Variants in ADAM15 observed in about 807,000 individuals in gnomAD.
ADAM15 encodes disintegrin and metalloproteinase domain-containing protein 15.
In ADAM15, 77 loss-of-function variants were observed where a neutral mutation model predicts 113.8. The ratio of observed to expected loss-of-function variants is 0.68; its 90% CI spans 0.56 to 0.82. The LOEUF is 0.82. Among genes scored for constraint, ADAM15 ranks in the 40% least tolerant of loss-of-function variants. ADAM15 has a pLI of 0.00. For missense variants in ADAM15, 963 were observed against 1,120.1 expected, an observed-to-expected ratio of 0.86 and a Z score of 2.00; for synonymous variants, 388 against 454.1, an observed-to-expected ratio of 0.85 and a Z score of 1.85.
chr1:155,053,532 A>C (rs758369056), intron 3 of ADAM15, 39 bp downstream of exon 3: 1 of 1,600,760 alleles, frequency 6.2e-7, no homozygotes. Context: ...CCACATGGCC[A>C]ACAACTTGTA....
chr1:155,057,241 C>T lies in ADAM15; in HGVS notation c.1202C>T (p.Ala401Val). 1 of 1,614,154 alleles carries T rather than the reference C, an allele frequency of 6.2e-7. No individual in the cohort carries two copies. Among genetic ancestry groups the T allele is most frequent in the Non-Finnish European group, 8.5e-7 (1 of 1,180,006 alleles). ...TGCAGCCGACGGGCCCTGGAGAAAG[C>T]CCTCCTGGATGGAATGGGCAGCTGC... ...SNCSRRALEK[A>V]LLDGMGSCLF... Residue 401 changes from alanine (A) to valine (V), a missense_variant, in exon 12 of 23, where the codon GCC becomes GTC. By Grantham distance (64) the Ala-to-Val change is moderately conservative. Coordinates refer to ENST00000356955, the MANE Select transcript of ADAM15 (RefSeq NM_207197.3). This position sits in a 1 kb window ranked among gnomAD's most constrained non-coding sequence, Gnocchi z 5.0.
At position 155,056,928 on chromosome 1, in the gene ADAM15, C is replaced by G; in HGVS notation, c.1000-25C>G. 1 of 1,536,450 alleles carries G rather than the reference C, an allele frequency of 6.5e-7. No homozygotes were observed. Among genetic ancestry groups the G allele is most frequent in the South Asian group, 1.3e-5 (1 of 78,410 alleles). ...TGGTGGAGGCAGGCTGGGACTGGAC[C>G]TACAGTACCCCTCCCCAATGACAGG... On this transcript the variant is annotated intron_variant, in intron 10 of 22. Coordinates refer to ENST00000356955, the MANE Select transcript of ADAM15 (RefSeq NM_207197.3). The surrounding 1 kb of genome is among the most constrained non-coding windows in gnomAD (Gnocchi z 4.0).
rs752358951 is a variant in ADAM15, at chr1:155,058,108, G to A, written c.1674G>A (p.Gly558=). The part of the protein sequence containing the change: ...QTANTRGNAF[G]SCGRNPSGSY... ...CTAATACTCGGGGAAATGCTTTTGG[G>A]AGCTGTGGGCGCAACCCCAGTGGCA... The change falls in exon 14 of 23, where the codon GGG becomes GGA. Residue 558 remains glycine (G), a synonymous_variant. Transcript: ENST00000356955. This position sits in a 1 kb window ranked among gnomAD's most constrained non-coding sequence, Gnocchi z 4.3. 4.4e-5 allele frequency: 71 copies of A among 1,613,676 alleles called. No individual in the cohort carries two copies. The highest frequency in any genetic ancestry group is 5.3e-5 in the Non-Finnish European group (63 of 1,179,712).
rs2102434551 is a variant in ADAM15 at position 155,062,604 on chromosome 1, C to T, written c.*102C>T. ...CATGACTGAAGGCGCCAGAGACTGG[C>T]GGTGTCTTAAGACTCCGGGCACCGC... On this transcript the variant is annotated 3_prime_UTR_variant, in exon 23 of 23. Coordinates refer to ENST00000356955, the MANE Select transcript of ADAM15 (RefSeq NM_207197.3). This position sits in a 1 kb window ranked among gnomAD's most constrained non-coding sequence, Gnocchi z 7.0. The T allele has an allele frequency of 3.4e-6, 5 of 1,489,532 alleles. No homozygotes were observed. The highest frequency in any genetic ancestry group is 2.4e-5 in the East Asian group (1 of 41,028). The allele number at this position is 1,489,532 out of a possible 1,614,324, so 92.3% of individuals were successfully genotyped here. A position where few individuals can be genotyped will look rare whatever the true frequency, so the allele number is the denominator to read the frequency against.
At position 155,058,284 on chromosome 1, in the gene ADAM15, G is replaced by A. The variant is rs1204866090; in HGVS notation, c.1760G>A (p.Arg587Lys). The A allele has an allele frequency of 1.2e-6, 2 of 1,614,080 alleles. No individual in the cohort carries two copies. The highest frequency in any genetic ancestry group is 1.1e-5 in the South Asian group (1 of 91,070). The change falls in exon 15 of 23, where the codon AGG becomes AAG. Residue 587 changes from arginine to lysine, a missense_variant. By Grantham distance (26) the Arg-to-Lys change is conservative. Transcript: ENST00000356955. The surrounding 1 kb of genome is among the most constrained non-coding windows in gnomAD (Gnocchi z 4.3). ...GGGCAGCTCCAGTGCCAGACAGGTA[G>A]GACCCAGCCTCTGCTGGGCTCCATC... Reference protein sequence around the residue: ...ICGQLQCQTGRTQPLLGSIRD... With the variant: ...ICGQLQCQTGKTQPLLGSIRD...
chr1:155,061,350 T>C, intron 19 of ADAM15, 65 bp from the exon 20 acceptor site: 1 of 1,428,612 alleles, frequency 7.0e-7, no homozygotes, highest in South Asian at 1.2e-5. Flanking sequence ...GACCCTTCCC[T>C]GCCCACTCTG....
In ADAM15 at chr1:155,051,391, G is replaced by C. The variant is rs778358417; in HGVS notation, c.5G>C (p.Arg2Pro). Reference protein sequence around the residue: MRLALLWALGLL... With the variant: MPLALLWALGLL... ...CCGGCCCGGAGCGCCGCTGCCATGC[G>C]GCTGGCGCTGCTCTGGGCCCTGGGG... The change falls in exon 1 of 23, where the codon CGG (arginine) becomes CCG (proline). Residue 2 changes from arginine (R) to proline (P), a missense_variant. Coordinates refer to ENST00000356955, the MANE Select transcript of ADAM15 (RefSeq NM_207197.3). The C allele has an allele frequency of 7.9e-6, 12 of 1,523,560 alleles. No homozygotes were observed. Among genetic ancestry groups the C allele is most frequent in the Non-Finnish European group, 6.1e-6 (7 of 1,140,454 alleles). 94.4% of individuals were successfully genotyped at this position (1,523,560 alleles called of 1,614,324 possible). A position where few individuals can be genotyped will look rare whatever the true frequency, so the allele number is the denominator to read the frequency against.
At position 155,056,691 on chromosome 1, in the gene ADAM15, G is replaced by C. The variant is rs1205317307; in HGVS notation, c.999+221G>C. Among the ~76,000 whole-genome samples the C allele has an allele frequency of 6.6e-6, 1 of 152,148 alleles. No individual in the cohort carries two copies. The highest frequency in any genetic ancestry group is 2.4e-5 in the African/African-American group (1 of 41,404). Reference sequence around the variant, plus strand: ...CCCTGTGCAGTCTTCCCATTTCTTAGAGGAGGGTAGGAGGCAGCTAAGGCC... The same window carrying C: ...CCCTGTGCAGTCTTCCCATTTCTTACAGGAGGGTAGGAGGCAGCTAAGGCC... On this transcript the variant is annotated intron_variant, in intron 10 of 22. Transcript: ENST00000356955. This position sits in a 1 kb window ranked among gnomAD's most constrained non-coding sequence, Gnocchi z 4.0.
In ADAM15 at chr1:155,057,007, C is replaced by T; in HGVS notation, c.1054C>T (p.His352Tyr). The T allele has an allele frequency of 3.1e-6, 5 of 1,606,010 alleles. 1 individual carries two copies. In the South Asian group the frequency reaches 4.4e-5, roughly 14 times the overall value. ...VASSIAHELG[H>Y]SLGLDHDLPG... The stretch of plus-strand genomic sequence containing the variant: ...CTCCTCCATAGCCCATGAGTTGGGC[C>T]ACAGCCTGGGCCTGGACCATGATTT... The change falls in exon 11 of 23, where the codon CAC (histidine) becomes TAC (tyrosine). Residue 352 changes from histidine to tyrosine, a missense_variant. Physicochemically the swap from His to Tyr is moderately conservative, Grantham distance 83. Transcript: ENST00000356955. The surrounding 1 kb of genome is among the most constrained non-coding windows in gnomAD (Gnocchi z 5.0).
At position 155,057,668 on chromosome 1, in the gene ADAM15, C is replaced by G. The variant is rs1166925258; in HGVS notation, c.1355C>G (p.Thr452Ser). Reference sequence around the variant, plus strand: ...GTCGATCCCTGCTGTGATTCTTTGACCTGCCAGCTGAGGCCAGGTGCACAG... The same window carrying G: ...GTCGATCCCTGCTGTGATTCTTTGAGCTGCCAGCTGAGGCCAGGTGCACAG... ...DCVDPCCDSL[T>S]CQLRPGAQCA... The change falls in exon 13 of 23, where the codon ACC becomes AGC. Residue 452 changes from threonine to serine, a missense_variant. By Grantham distance (58) the Thr-to-Ser change is moderately conservative (BLOSUM62 1). Transcript: ENST00000356955. This position sits in a 1 kb window ranked among gnomAD's most constrained non-coding sequence, Gnocchi z 5.0. The G allele has an allele frequency of 6.2e-7, 1 of 1,614,222 alleles. No homozygotes were observed. Among genetic ancestry groups the G allele is most frequent in the South Asian group, 1.1e-5 (1 of 91,082 alleles).
rs796253132 is a variant in ADAM15, at chr1:155,062,539, A to C, written c.*37A>C. On this transcript the variant is annotated 3_prime_UTR_variant, in exon 23 of 23. Coordinates refer to ENST00000356955, the MANE Select transcript of ADAM15 (RefSeq NM_207197.3). This position sits in a 1 kb window ranked among gnomAD's most constrained non-coding sequence, Gnocchi z 7.0. ...GTTCCGCTGCCTCCAAGCCGGACTT[A>C]GGGCTTCAAGAGGCGGGCGTGCCCT... is the stretch of plus-strand genomic sequence containing the variant. 1.2e-6 allele frequency: 2 copies of C among 1,609,066 alleles called. No individual in the cohort carries two copies. The highest frequency in any genetic ancestry group is 1.7e-5 in the Admixed American group (1 of 59,466).
chr1:155,061,353 C>T (rs960840854), intron 19 of ADAM15, 62 bp from the exon 20 acceptor site: 10 of 1,450,062 alleles, frequency 6.9e-6, no homozygotes, highest in African/African-American at 1.4e-5. Flanking sequence ...CCTTCCCTGC[C>T]CACTCTGTCT....
Position 155,055,965 on chromosome 1 carries a change from A to G in ADAM15, c.709A>G (p.Asn237Asp). 6.2e-7 allele frequency: 1 copy of G among 1,614,158 alleles called. No homozygotes were observed. The highest frequency in any genetic ancestry group is 8.5e-7 in the Non-Finnish European group (1 of 1,180,038). Residue 237 changes from asparagine (N) to aspartate (D), a missense_variant, in exon 8 of 23, where the codon AAC (asparagine) becomes GAC (aspartate). Coordinates refer to ENST00000356955, the MANE Select transcript of ADAM15 (RefSeq NM_207197.3). The part of the protein sequence containing the change: ...QKYRDFQHLL[N>D]RTLEVALLLD... ...ATACCGGGACTTCCAGCACCTGCTA[A>G]ACCGCACACTGGAAGTGGCCCTCTT...
chr1:155,057,058 G>T lies in ADAM15; in HGVS notation c.1105G>T (p.Gly369Cys), dbSNP rs769888546. The change falls in exon 11 of 23, where the codon GGT becomes TGT. Residue 369 changes from glycine (G) to cysteine (C), a missense_variant. Coordinates refer to ENST00000356955, the MANE Select transcript of ADAM15 (RefSeq NM_207197.3). This position sits in a 1 kb window ranked among gnomAD's most constrained non-coding sequence, Gnocchi z 5.0. Reference protein sequence around the residue: ...DLPGNSCPCPGPAPAKTCIME... With the variant: ...DLPGNSCPCPCPAPAKTCIME... ...GCCTGGGAATAGCTGCCCCTGTCCA[G>T]GTCCAGCCCCAGCCAAGACCTGCAT... The T allele has an allele frequency of 1.3e-5, 20 of 1,590,810 alleles. No homozygotes were observed. Among genetic ancestry groups the T allele is most frequent in the Non-Finnish European group, 1.6e-5 (19 of 1,166,792 alleles).
chr1:155,058,704 G>A lies in ADAM15; in HGVS notation c.1918-6G>A. 1 of 1,613,060 alleles carries A rather than the reference G, an allele frequency of 6.2e-7. No individual in the cohort carries two copies. The highest frequency in any genetic ancestry group is 1.3e-5 in the African/African-American group (1 of 74,978). On this transcript the variant is annotated splice_region_variant and splice_polypyrimidine_tract_variant and intron_variant, in intron 15 of 22. Coordinates refer to ENST00000356955, the MANE Select transcript of ADAM15 (RefSeq NM_207197.3). This position sits in a 1 kb window ranked among gnomAD's most constrained non-coding sequence, Gnocchi z 4.3. ...TCTGATCCAGGCTCTTCTCTCCCTG[G>A]GTCAGGTGTGTATAGACCATCGATG...
At chr1:155,060,405 C>A in intron 18 of ADAM15, 62 bp downstream of exon 18, 1 of 1,593,938 alleles carries the variant, frequency 6.3e-7, no homozygotes, top group South Asian at 1.1e-5. Flanking sequence ...AAGGCTGCCT[C>A]ACCTCTGCAG....
chr1:155,058,079 ACAG>A lies in ADAM15; in HGVS notation c.1647_1649del (p.Ala550del). 6.2e-7 allele frequency: 1 copy of A among 1,614,132 alleles called. No individual in the cohort carries two copies. The highest frequency in any genetic ancestry group is 8.5e-7 in the Non-Finnish European group (1 of 1,179,996). ...GCCCGCTGCGCCACTTTGCCTCCAGACAGCTAATACTCGGGGAAATGCTTTTGG... is the reference window on the plus strand; with the variant it reads ...GCCCGCTGCGCCACTTTGCCTCCAGACTAATACTCGGGGAAATGCTTTTGG... On this transcript the variant is annotated inframe_deletion, in exon 14 of 23. Coordinates refer to ENST00000356955, the MANE Select transcript of ADAM15 (RefSeq NM_207197.3). The surrounding 1 kb of genome is among the most constrained non-coding windows in gnomAD (Gnocchi z 4.3).
chr1:155,053,237 C>T (rs1558119250), intron 2 of ADAM15, among the ~76,000 whole-genome samples, 180 bp from the exon 3 acceptor site: 2 of 151,966 alleles, frequency 1.3e-5, no homozygotes, highest in African/African-American at 4.8e-5. Flanking sequence ...CCTTGACCTC[C>T]GCACACAACC....
In ADAM15 at chr1:155,058,237, T is replaced by G. The variant is rs778882871; in HGVS notation, c.1722-9T>G. 1.9e-6 allele frequency: 3 copies of G among 1,613,798 alleles called. No individual in the cohort carries two copies. The East Asian group carries it at 6.7e-5, about 36-fold the overall frequency. On this transcript the variant is annotated splice_polypyrimidine_tract_variant and intron_variant, in intron 14 of 22. Transcript: ENST00000356955. The surrounding 1 kb of genome is among the most constrained non-coding windows in gnomAD (Gnocchi z 4.3). ...TACTAACTCTGTGTGCCCTTCCCCCTCCCCACAGAGATGCCATTTGTGGGC... is the reference window on the plus strand; with the variant it reads ...TACTAACTCTGTGTGCCCTTCCCCCGCCCCACAGAGATGCCATTTGTGGGC...
Sources: gnomAD v4.1 joint callset for allele counts (sites outside exome capture counted in the v4.1 genomes callset) on GRCh38, gnomAD v4.1.1 for gene constraint, Gnocchi (gnomAD v3.1) non-coding constraint, MANE v1.5 for transcripts, NCBI Gene and HGNC (gene_info 2026-07-23, HGNC 2026-07-21) for gene names.